Variants in USP30 observed in about 807,000 individuals in gnomAD.
The protein encoded by USP30 is ubiquitin specific peptidase 30.
A neutral mutation model predicts 68.2 loss-of-function variants in USP30; 41 were observed. The observed-to-expected ratio is 0.60, with a 90% CI of 0.47 to 0.78. The LOEUF is 0.78. USP30 is among the 30% of genes least tolerant of loss of function. The probability of loss-of-function intolerance (pLI) is 0.00; values close to 1 mark genes in which losing one functional copy is unlikely to be tolerated. For missense variants in USP30, 522 were observed against 649.4 expected (o/e 0.80, Z 2.13); for synonymous variants, 229 against 253.7 (o/e 0.90, Z 0.93).
intron 1 of USP30, among the ~76,000 whole-genome samples, chr12:109,053,333 G>T (rs1418758951): frequency 2.0e-5 from 3 of 152,096 alleles, no homozygotes; most frequent in Non-Finnish European, 4.4e-5. Flanking sequence ...GTGAGTAAAG[G>T]CCCTTGTTTT....
intron 7 of USP30, 134 bp from the exon 8 acceptor site, chr12:109,081,200 T>C (rs1280255245): frequency 3.3e-5 from 25 of 762,704 alleles, no homozygotes; most frequent in Non-Finnish European, 5.3e-5. Flanking sequence ...AATTTTATTC[T>C]AAGTACATTA....
At chr12:109,028,078 G>A (rs1001204564) in intron 3 of USP30, among the ~76,000 whole-genome samples, 28 of 152,136 alleles carry the variant, frequency 1.8e-4, no homozygotes, top group Admixed American at 1.8e-3. Context: ...CATCCCAGTG[G>A]GTGTGGAGTG....
intron 6 of USP30, among the ~76,000 whole-genome samples, 200 bp downstream of exon 6, chr12:109,072,550 T>G (rs570703194): frequency 1.3e-5 from 2 of 152,328 alleles, no homozygotes; most frequent in East Asian, 3.9e-4. Context: ...CCCAGCTGAC[T>G]TTTCTTGAAA....
chr12:109,069,517 C>T (rs1337920550), intron 4 of USP30, among the ~76,000 whole-genome samples: 1 of 152,176 alleles, frequency 6.6e-6, no homozygotes, highest in Non-Finnish European at 1.5e-5. Context: ...AGTTTTATAG[C>T]CCAGGAGGGA....
intron 7 of USP30, among the ~76,000 whole-genome samples, chr12:109,074,667 T>C (rs916555126): frequency 6.6e-6 from 1 of 152,204 alleles, no homozygotes; most frequent in African/African-American, 2.4e-5. Flanking sequence ...AAAAATTGTA[T>C]ATATTTAGGG....
Position 109,023,779 on chromosome 12 carries a change from C to T in USP30, c.-498+612C>T, listed in dbSNP as rs185235850. Among the ~76,000 whole-genome samples the T allele has an allele frequency of 1.5e-3, 230 of 150,968 alleles. 1 individual carries two copies. Among genetic ancestry groups the T allele is most frequent in the African/African-American group, 5.2e-3 (213 of 41,146 alleles). On this transcript the variant is annotated intron_variant, in intron 1 of 15. Transcript: ENST00000392784. ...TCCCAAGTACCTGGGATTACAGGTGCCCGCCACCATGCCTGGCTAATTTTT... is the reference window on the plus strand; with the variant it reads ...TCCCAAGTACCTGGGATTACAGGTGTCCGCCACCATGCCTGGCTAATTTTT...
At chr12:109,024,834 T>A (rs2079356776) in exon 2 of USP30, 1 of 151,266 alleles carries the variant, frequency 6.6e-6, no homozygotes, top group Non-Finnish European at 1.5e-5. Context: ...TTAGCCAGGA[T>A]GGTCTCGATC....
chr12:109,071,348 G>A (rs1320068769), intron 4 of USP30, among the ~76,000 whole-genome samples: 1 of 152,242 alleles, frequency 6.6e-6, no homozygotes, highest in African/African-American at 2.4e-5. Context: ...CTGTCTCAGT[G>A]AAACAGAATG....
chr12:109,074,946 A>G (rs1770783208), intron 7 of USP30, among the ~76,000 whole-genome samples: 1 of 152,182 alleles, frequency 6.6e-6, no homozygotes, highest in Admixed American at 6.5e-5. Context: ...TAGATTCCAT[A>G]TAGGTATGAG....
chr12:109,035,615 G>T (rs2040513081), intron 3 of USP30, among the ~76,000 whole-genome samples: 1 of 152,128 alleles, frequency 6.6e-6, no homozygotes, highest in Non-Finnish European at 1.5e-5. Context: ...GCCCACCTCG[G>T]CCTCCCAAAG....
intron 3 of USP30, among the ~76,000 whole-genome samples, chr12:109,042,727 C>T (rs565576837): frequency 5.3e-5 from 8 of 152,244 alleles, no homozygotes; most frequent in African/African-American, 1.7e-4. Flanking sequence ...TTCTATTTAA[C>T]GTAGTACTGG....
intron 7 of USP30, among the ~76,000 whole-genome samples, chr12:109,076,446 A>G (rs557810505): frequency 3.3e-5 from 5 of 151,564 alleles, no homozygotes; most frequent in African/African-American, 1.2e-4. Context: ...TATCCTGGCT[A>G]AGACTTATGG....
intron 3 of USP30, among the ~76,000 whole-genome samples, chr12:109,029,618 G>A (rs781093882): frequency 8.5e-5 from 13 of 152,156 alleles, no homozygotes; most frequent in African/African-American, 2.2e-4. Flanking sequence ...CCCTCCCTCC[G>A]TGCCTGAGCT....
rs149268209 is a variant in USP30, at chr12:109,071,677, G to T, written c.546G>T (p.Arg182=). Reference sequence around the variant, plus strand: ...AAGATGAGCGAGACCGCCAGCCTCGGGTCACACATTTGTTTGATGTGCATT... The same window carrying T: ...AAGATGAGCGAGACCGCCAGCCTCGTGTCACACATTTGTTTGATGTGCATT... ...SLEDERDRQP[R]VTHLFDVHSL... Residue 182 remains arginine (R), a synonymous_variant, in exon 5 of 13, where the codon CGG becomes CGT. Transcript: ENST00000257548. 1 of 1,614,126 alleles carries T rather than the reference G, an allele frequency of 6.2e-7. No individual in the cohort carries two copies. Among genetic ancestry groups the T allele is most frequent in the East Asian group, 2.2e-5 (1 of 44,882 alleles).
upstream of USP30, among the ~76,000 whole-genome samples, chr12:109,048,822 G>T (rs139446347): frequency 1.2e-3 from 178 of 152,136 alleles, no homozygotes; most frequent in African/African-American, 4.1e-3. Flanking sequence ...GGTGTGTAAC[G>T]CAATCCTTGC....
At chr12:109,071,839 C>A in intron 5 of USP30, 129 bp downstream of exon 5, 1 of 841,766 alleles carries the variant, frequency 1.2e-6, no homozygotes, top group Non-Finnish European at 1.8e-6. Flanking sequence ...GGGAATGAGG[C>A]CAGGGGAGGG....
upstream of USP30, among the ~76,000 whole-genome samples, chr12:109,048,615 C>T (rs2040628038): frequency 1.3e-5 from 2 of 151,610 alleles, no homozygotes; most frequent in Admixed American, 1.3e-4. Flanking sequence ...TGGCACGCAC[C>T]TGAAGTCCCA....
At chr12:109,071,886 T>C (rs1056008141) in intron 5 of USP30, among the ~76,000 whole-genome samples, 176 bp downstream of exon 5, 2 of 152,150 alleles carry the variant, frequency 1.3e-5, no homozygotes, top group Admixed American at 1.3e-4. Context: ...GTGATCTGAT[T>C]AGGGATGTCA....
At chr12:109,081,473 G>T in intron 8 of USP30, 80 bp downstream of exon 8, 2 of 1,419,342 alleles carry the variant, frequency 1.4e-6, no homozygotes, top group Non-Finnish European at 2.0e-6. Flanking sequence ...ATTTTATGTG[G>T]CTCAGGCACT....
Sources: allele counts gnomAD v4.1 joint callset (sites outside exome capture counted in the v4.1 genomes callset), GRCh38; gene constraint gnomAD v4.1.1; transcripts MANE v1.5; gene names NCBI Gene and HGNC (gene_info 2026-07-23, HGNC 2026-07-21).